MAML3: variants seen among roughly 807,000 people sequenced by gnomAD.
MAML3 encodes the protein mastermind like transcriptional coactivator 3.
MAML3 carries 27 observed loss-of-function variants against 101.9 expected under a neutral mutation model. The observed-to-expected ratio is 0.27, with a 90% CI of 0.20 to 0.37. The LOEUF (loss-of-function observed/expected upper bound fraction) is 0.37. Ranked by LOEUF, MAML3 falls within the 10% of genes least tolerant of loss-of-function variation. The pLI, the probability that MAML3 is intolerant of heterozygous loss-of-function variation, is 1.00. For synonymous variants in MAML3, 501 were observed against 555.9 expected, an observed-to-expected ratio of 0.90 and a Z score of 1.39; for missense variants, 1,316 against 1,444.9, an observed-to-expected ratio of 0.91 and a Z score of 1.45.
intron 1 of MAML3, among the ~76,000 whole-genome samples, chr4:139,931,595 T>A (rs1256386741): frequency 1.3e-5 from 2 of 152,232 alleles, no homozygotes; most frequent in African/African-American, 4.8e-5. Flanking sequence ...GACTGCATCC[T>A]CTTCATCAGA....
In MAML3 at chr4:139,890,423, TC is replaced by T. The variant is rs756026606; in HGVS notation, c.1012del (p.Glu338SerfsTer20). On this transcript the variant is annotated frameshift_variant, in exon 2 of 5. Transcript: ENST00000509479. LOFTEE classifies it high-confidence loss of function. The surrounding 1 kb of genome is among the most constrained non-coding windows in gnomAD (Gnocchi z 4.1). Reference protein sequence around the residue: ...LFNEDFEEKKEPEFSQPATET... With the variant: ...LFNEDFEEKKXPEFSQPATET... ...AGTTGCTGGCTGCGAGAATTCTGGC[TC>T]CTTCTTCTCTTCAAAGTCTTCGTTG... The T allele has an allele frequency of 6.2e-7, 1 of 1,607,156 alleles. No homozygotes were observed. The highest frequency in any genetic ancestry group is 1.7e-5 in the Admixed American group (1 of 59,714).
chr4:139,984,127 G>C (rs534339416), intron 1 of MAML3, among the ~76,000 whole-genome samples: 71 of 152,302 alleles, frequency 4.7e-4, no homozygotes, highest in Non-Finnish European at 8.8e-5. Flanking sequence ...GGAAGTGGGG[G>C]CCAGAACAGG....
intron 1 of MAML3, among the ~76,000 whole-genome samples, chr4:139,897,307 C>T (rs1193635329): frequency 6.6e-6 from 1 of 151,908 alleles, no homozygotes; most frequent in Non-Finnish European, 1.5e-5. Context: ...TCTGAAATTA[C>T]AGAACTCAGG....
intron 2 of MAML3, among the ~76,000 whole-genome samples, chr4:139,859,454 G>C (rs1213013843): frequency 6.6e-6 from 1 of 151,210 alleles, no homozygotes; most frequent in Non-Finnish European, 1.5e-5. Context: ...CGACCCACCT[G>C]CCTCGACCTC....
At chr4:140,083,601 G>A (rs1005756073) in intron 1 of MAML3, among the ~76,000 whole-genome samples, 1 of 152,150 alleles carries the variant, frequency 6.6e-6, no homozygotes, top group Admixed American at 6.5e-5. Flanking sequence ...ATGCAGGTCT[G>A]CCTGTCAAAT....
intron 2 of MAML3, among the ~76,000 whole-genome samples, chr4:139,858,248 C>T (rs1180102468): frequency 6.6e-6 from 1 of 152,204 alleles, no homozygotes; most frequent in African/African-American, 2.4e-5. Flanking sequence ...ATTCATTATG[C>T]ACCTACTTTT....
At chr4:140,099,229 TCACACACACACA>T (rs57140878) in intron 1 of MAML3, among the ~76,000 whole-genome samples, 8 of 147,070 alleles carry the variant, frequency 5.4e-5, no homozygotes, top group African/African-American at 1.8e-4. Flanking sequence ...TGGAAGTATA[TCACACACACACA>T]CACACACACA....
chr4:139,989,529 T>C (rs574822133), intron 1 of MAML3, among the ~76,000 whole-genome samples: 1 of 152,240 alleles, frequency 6.6e-6, no homozygotes, highest in Admixed American at 6.5e-5. Context: ...CTCAGCCATC[T>C]TCAGTGTGGG....
intron 1 of MAML3, among the ~76,000 whole-genome samples, chr4:140,000,565 C>T (rs1734904375): frequency 1.3e-5 from 2 of 152,172 alleles, no homozygotes; most frequent in African/African-American, 4.8e-5. Flanking sequence ...CCTCTACTTA[C>T]ATCAAAACCA....
At chr4:139,938,049 C>T (rs17005262) in intron 1 of MAML3, among the ~76,000 whole-genome samples, 7,544 of 152,258 alleles carry the variant, frequency 0.05, 666 homozygotes, top group African/African-American at 0.17. Context: ...AGTGCTCCTA[C>T]TTTCCCTGCC....
chr4:140,037,425 G>A (rs1221942944), intron 1 of MAML3, among the ~76,000 whole-genome samples: 1 of 152,136 alleles, frequency 6.6e-6, no homozygotes, highest in East Asian at 1.9e-4. Context: ...CAAAGAAATG[G>A]ACTCAATTTA....
intron 1 of MAML3, among the ~76,000 whole-genome samples, chr4:140,037,615 C>T (rs550411375): frequency 6.0e-4 from 92 of 152,188 alleles, no homozygotes; most frequent in Non-Finnish European, 1.2e-3. Context: ...CAAACAAACG[C>T]ACGTCTTCAT....
chr4:140,083,953 CACACACACACACACAGAGAGAG>C (rs1727905427), intron 1 of MAML3, among the ~76,000 whole-genome samples: 1 of 26,514 alleles, frequency 3.8e-5, no homozygotes, highest in African/African-American at 1.2e-4. Context: ...CACACACACA[CACACACACACACACAGAGAGAG>C]AGAGAGAGAG....
At position 139,998,524 on chromosome 4, in the gene MAML3, T is replaced by C. The variant is rs560092275; in HGVS notation, c.469-107557A>G. Among the ~76,000 whole-genome samples, 9 of 152,374 alleles carry C rather than the reference T, an allele frequency of 5.9e-5. No individual in the cohort carries two copies. The East Asian group carries it at 1.7e-3, about 29-fold the overall frequency. ...CTTTTTATACTTGTTTTATACATAATGTTGAACACATTTGTAACAGTTTTG... is the reference window on the plus strand; with the variant it reads ...CTTTTTATACTTGTTTTATACATAACGTTGAACACATTTGTAACAGTTTTG... On this transcript the variant is annotated intron_variant, in intron 1 of 4. Transcript: ENST00000509479.
intron 4 of MAML3, among the ~76,000 whole-genome samples, chr4:139,721,121 C>A (rs184131885): frequency 1.8e-4 from 27 of 152,336 alleles, no homozygotes; most frequent in African/African-American, 6.3e-4. Context: ...ACAGCAAAGT[C>A]CATTCCTTCA....
At chr4:140,137,030 C>T (rs1728899419) in intron 1 of MAML3, among the ~76,000 whole-genome samples, 1 of 152,236 alleles carries the variant, frequency 6.6e-6, no homozygotes, top group Admixed American at 6.5e-5. Flanking sequence ...GTTCTTTCGC[C>T]CAGGCTGGAC....
intron 1 of MAML3, among the ~76,000 whole-genome samples, chr4:140,102,734 G>A (rs1728273417): frequency 6.6e-6 from 1 of 151,492 alleles, no homozygotes; most frequent in African/African-American, 2.4e-5. Context: ...CAGAGCCAGG[G>A]TAGACACCCT....
At chr4:140,071,507 CAG>C (rs1342021661) in intron 1 of MAML3, among the ~76,000 whole-genome samples, 1 of 152,150 alleles carries the variant, frequency 6.6e-6, no homozygotes, top group Non-Finnish European at 1.5e-5. Context: ...ATGTTAAAAA[CAG>C]AGAACTCAAG....
chr4:139,820,086 G>C (rs1300703229), intron 2 of MAML3, among the ~76,000 whole-genome samples: 2 of 152,150 alleles, frequency 1.3e-5, no homozygotes, highest in African/African-American at 2.4e-5. Flanking sequence ...TGGTGGATAT[G>C]AGACATCTTC....
Sources: gnomAD v4.1 joint callset for allele counts (sites outside exome capture counted in the v4.1 genomes callset) on GRCh38, gnomAD v4.1.1 for gene constraint, Gnocchi (gnomAD v3.1) non-coding constraint, MANE v1.5 for transcripts, NCBI Gene and HGNC (gene_info 2026-07-23, HGNC 2026-07-21) for gene names.